Variants in STKLD1 observed in about 807,000 individuals in gnomAD.
The protein encoded by STKLD1 is serine/threonine kinase-like domain-containing protein STKLD1.
STKLD1 carries 79 observed loss-of-function variants against 80.4 expected under a neutral mutation model. The ratio of observed to expected loss-of-function variants is 0.98; its 90% CI spans 0.82 to 1.19. STKLD1 has a LOEUF of 1.19. Among genes scored for constraint, STKLD1 ranks in the 50% most tolerant of loss-of-function variants. The pLI, the probability that STKLD1 is intolerant of heterozygous loss-of-function variation, is 0.00. For missense variants in STKLD1, 841 were observed against 856.0 expected (o/e 0.98, Z 0.22); for synonymous variants, 393 against 357.6 (o/e 1.10, Z -1.12).
rs782148007 is a variant in STKLD1 at position 133,398,073 on chromosome 9, C to T, written c.1081+18C>T. 6.2e-7 allele frequency: 1 copy of T among 1,610,626 alleles called. No homozygotes were observed. The highest frequency in any genetic ancestry group is 8.5e-7 in the Non-Finnish European group (1 of 1,177,666). ...TCAGCTAGGTAGGCCCCACCCTGCA[C>T]CCCTTTCCCAGCTGCTCCCCTAGGG... On this transcript the variant is annotated intron_variant, in intron 11 of 17. Coordinates refer to ENST00000371957, the MANE Select transcript of STKLD1 (RefSeq NM_153710.5).
intron 7 of STKLD1, among the ~76,000 whole-genome samples, chr9:133,392,614 G>A (rs1161505520): frequency 8.4e-6 from 1 of 119,042 alleles, no homozygotes; most frequent in African/African-American, 3.2e-5. Flanking sequence ...TGGATGGATG[G>A]ATGGATGGAT....
At position 133,405,528 on chromosome 9, in the gene STKLD1, C is replaced by T. The variant is rs942142193; in HGVS notation, c.*107C>T. On this transcript the variant is annotated 3_prime_UTR_variant, in exon 18 of 18. Coordinates refer to ENST00000371957, the MANE Select transcript of STKLD1 (RefSeq NM_153710.5). ...TGACTGGGCCAAAATCAATCTTAAA[C>T]GGGAGGGGTAATCAGACCTCTCCAA... 21 of 1,177,624 alleles carry T rather than the reference C, an allele frequency of 1.8e-5. No homozygotes were observed. The highest frequency in any genetic ancestry group is 9.6e-5 in the South Asian group (6 of 62,338). The allele number at this position is 1,177,624 out of a possible 1,614,324, so 72.9% of individuals were successfully genotyped here. A position where few individuals can be genotyped will look rare whatever the true frequency, so the allele number is the denominator to read the frequency against.
intron 2 of STKLD1, among the ~76,000 whole-genome samples, chr9:133,383,276 T>G (rs1216424361): frequency 1.5e-3 from 2 of 1,364 alleles, no homozygotes; most frequent in Non-Finnish European, 3.3e-3. Flanking sequence ...ATGGTGGTAA[T>G]GGTGGTGGTG....
chr9:133,404,136 C>A, intron 16 of STKLD1, 88 bp downstream of exon 16: 1 of 1,430,706 alleles, frequency 7.0e-7, no homozygotes, highest in Non-Finnish European at 9.3e-7. Context: ...TGCCACAAAC[C>A]AAAAAACAGA....
At chr9:133,386,330 G>T (rs1483988217) in intron 4 of STKLD1, among the ~76,000 whole-genome samples, 1 of 152,236 alleles carries the variant, frequency 6.6e-6, no homozygotes, top group Non-Finnish European at 1.5e-5. Context: ...GGCCAGATGG[G>T]CCTGACTCCC....
rs1554778164 is a variant in STKLD1 at position 133,403,804 on chromosome 9, G to A, written c.1579G>A (p.Val527Ile). ...DGEMAEASCG[V>I]FWLLSLLGCI... Reference sequence around the variant, plus strand: ...GGAAATGGCAGAAGCCAGCTGCGGAGTCTTCTGGCTGCTGTCCCTGCTGGG... The same window carrying A: ...GGAAATGGCAGAAGCCAGCTGCGGAATCTTCTGGCTGCTGTCCCTGCTGGG... The change falls in exon 15 of 18, where the codon GTC (valine) becomes ATC (isoleucine). Residue 527 changes from valine (V) to isoleucine (I), a missense_variant. By Grantham distance (29) the Val-to-Ile change is conservative. Coordinates refer to ENST00000371957, the MANE Select transcript of STKLD1 (RefSeq NM_153710.5). 6.2e-7 allele frequency: 1 copy of A among 1,613,664 alleles called. No individual in the cohort carries two copies. The highest frequency in any genetic ancestry group is 8.5e-7 in the Non-Finnish European group (1 of 1,179,972).
rs2130283198 is a variant in STKLD1 at position 133,389,001 on chromosome 9, C to G, written c.397-525C>G. 3.0e-6 allele frequency: 3 copies of G among 985,412 alleles called. No homozygotes were observed. Among genetic ancestry groups the G allele is most frequent in the Non-Finnish European group, 3.6e-6 (3 of 829,922 alleles). The allele number at this position is 985,412 out of a possible 1,614,324, so 61.0% of individuals were successfully genotyped here. A position where few individuals can be genotyped will look rare whatever the true frequency, so the allele number is the denominator to read the frequency against. ...TGCCCCCTCAGCCCCTCTCTGACAC[C>G]CCAGGGTGGCCCTGAATCCAGGGGC... On this transcript the variant is annotated intron_variant, in intron 5 of 17. Coordinates refer to ENST00000371957, the MANE Select transcript of STKLD1 (RefSeq NM_153710.5). This position sits in a 1 kb window ranked among gnomAD's most constrained non-coding sequence, Gnocchi z 6.4.
chr9:133,405,476 T>C lies in STKLD1; in HGVS notation c.*55T>C, dbSNP rs1161351711. ...ACGTGTATAGTTTTCAAGACTGCTC[T>C]CCTGCCTGCCTATTATCCCATCTCT... is the stretch of plus-strand genomic sequence containing the variant. On this transcript the variant is annotated 3_prime_UTR_variant, in exon 18 of 18. Transcript: ENST00000371957. 1.5e-5 allele frequency: 22 copies of C among 1,512,554 alleles called. No individual in the cohort carries two copies. The highest frequency in any genetic ancestry group is 1.9e-5 in the Non-Finnish European group (21 of 1,129,802). 93.7% of individuals were successfully genotyped at this position (1,512,554 alleles called of 1,614,324 possible). A position where few individuals can be genotyped will look rare whatever the true frequency, so the allele number is the denominator to read the frequency against.
rs144696692 is a variant in STKLD1 at position 133,402,908 on chromosome 9, A to G, written c.1370A>G (p.Asn457Ser). The change falls in exon 14 of 18, where the codon AAT (asparagine) becomes AGT (serine). Residue 457 changes from asparagine to serine, a missense_variant. Coordinates refer to ENST00000371957, the MANE Select transcript of STKLD1 (RefSeq NM_153710.5). Reference sequence around the variant, plus strand: ...GAGTCACTGTCAGAGGAGCTGCAGAATGCTGGGCTGCTGGAGCACATCCTG... The same window carrying G: ...GAGTCACTGTCAGAGGAGCTGCAGAGTGCTGGGCTGCTGGAGCACATCCTG... ...ESESLSEELQ[N>S]AGLLEHILEH... is the part of the protein sequence containing the mutation. 2.8e-4 allele frequency: 442 copies of G among 1,592,022 alleles called. No homozygotes were observed. Among genetic ancestry groups the G allele is most frequent in the Admixed American group, 1.4e-3 (79 of 57,114 alleles).
intron 1 of STKLD1, among the ~76,000 whole-genome samples, chr9:133,377,097 G>A (rs1056000228): frequency 6.6e-6 from 1 of 152,156 alleles, no homozygotes; most frequent in African/African-American, 2.4e-5. Flanking sequence ...AACAGTTTGC[G>A]GGTTAGATTT....
chr9:133,394,006 GGGCACACAGACACACCAC>G lies in STKLD1; in HGVS notation c.584-284_584-267del. 2.5e-6 allele frequency: 1 copy of G among 404,464 alleles called. No homozygotes were observed. Among genetic ancestry groups the G allele is most frequent in the Non-Finnish European group, 4.5e-6 (1 of 222,324 alleles). 25.1% of individuals were successfully genotyped at this position (404,464 alleles called of 1,614,324 possible). On this transcript the variant is annotated intron_variant, in intron 7 of 17. Transcript: ENST00000371957. This position sits in a 1 kb window ranked among gnomAD's most constrained non-coding sequence, Gnocchi z 4.9. ...TTCCAACTCCTTCTACAGCCATCCA[GGGCACACAGACACACCAC>G]CTATATGGGCCAGCCTGGTGGGCAC...
intron 2 of STKLD1, among the ~76,000 whole-genome samples, chr9:133,383,225 GTGATGAT>G (rs1838182378): frequency 6.6e-6 from 1 of 150,970 alleles, no homozygotes; most frequent in Non-Finnish European, 1.5e-5. Context: ...GGTGGTGATG[GTGATGAT>G]AGTGATGATG....
intron 11 of STKLD1, among the ~76,000 whole-genome samples, chr9:133,399,238 A>G (rs1838634359): frequency 6.6e-6 from 1 of 152,072 alleles, no homozygotes; most frequent in African/African-American, 2.4e-5. Flanking sequence ...TTACCTTCAC[A>G]TATCCATCCA....
In STKLD1 at chr9:133,400,444, G is replaced by T. The variant is rs781785058; in HGVS notation, c.1113G>T (p.Val371=). The part of the protein sequence containing the change: ...GLPWPPELVE[V]VVTTMELHDR... ...CGTGGCCCCCGGAGCTGGTGGAGGT[G>T]GTGGTCACGACCATGGAGCTACATG... Residue 371 remains valine, a synonymous_variant, in exon 12 of 18, where the codon GTG becomes GTT. Transcript: ENST00000371957. 1.9e-6 allele frequency: 3 copies of T among 1,613,264 alleles called. No homozygotes were observed. The South Asian group carries it at 3.3e-5, about 18-fold the overall frequency.
At chr9:133,380,150 C>T (rs1158767615) in intron 2 of STKLD1, among the ~76,000 whole-genome samples, 3 of 152,172 alleles carry the variant, frequency 2.0e-5, no homozygotes, top group African/African-American at 7.2e-5. Context: ...ATTTTCCTGC[C>T]TCAGCCTCCC....
chr9:133,380,408 T>C (rs2130263550), intron 2 of STKLD1, among the ~76,000 whole-genome samples: 6 of 151,872 alleles, frequency 4.0e-5, no homozygotes, highest in African/African-American at 7.2e-5. Flanking sequence ...AATCGCAGCA[T>C]TTTGGGAGGC....
Position 133,385,774 on chromosome 9 carries a change from C to G in STKLD1, c.294+83C>G. ...GCAGACTGAGCCCAGAGCACGCCCA[C>G]CCCCCACTGTCAGAATAGCTCGTGT... On this transcript the variant is annotated intron_variant, in intron 4 of 17. Transcript: ENST00000371957. The surrounding 1 kb of genome is among the most constrained non-coding windows in gnomAD (Gnocchi z 4.9). The G allele has an allele frequency of 2.3e-6, 3 of 1,278,032 alleles. No individual in the cohort carries two copies. Among genetic ancestry groups the G allele is most frequent in the African/African-American group, 1.5e-5 (1 of 68,600 alleles). 79.2% of individuals were successfully genotyped at this position (1,278,032 alleles called of 1,614,324 possible).
chr9:133,399,486 C>T (rs1291804965), intron 11 of STKLD1, among the ~76,000 whole-genome samples: 1 of 152,234 alleles, frequency 6.6e-6, no homozygotes, highest in Middle Eastern at 3.2e-3. Flanking sequence ...AGAGACTTTG[C>T]CTCCCTGGGG....
At chr9:133,380,564 A>T (rs2130263883) in intron 2 of STKLD1, among the ~76,000 whole-genome samples, 1 of 152,158 alleles carries the variant, frequency 6.6e-6, no homozygotes, top group East Asian at 2.0e-4. Context: ...GACGCGGGAG[A>T]ATTGCTTGAA....
Sources: gnomAD v4.1 joint callset for allele counts (sites outside exome capture counted in the v4.1 genomes callset) on GRCh38, gnomAD v4.1.1 for gene constraint, Gnocchi (gnomAD v3.1) non-coding constraint, MANE v1.5 for transcripts, NCBI Gene and HGNC (gene_info 2026-07-23, HGNC 2026-07-21) for gene names.